The following CEP112 variants were observed in gnomAD, a reference collection of about 807,000 sequenced individuals.
The protein encoded by CEP112 is centrosomal protein of 112 kDa.
In CEP112, 127 loss-of-function variants were observed where a neutral mutation model predicts 153.0. The ratio of observed to expected loss-of-function variants is 0.83; its 90% CI spans 0.72 to 0.96. The LOEUF is 0.96. Ranked by LOEUF, CEP112 falls within the 40% of genes least tolerant of loss-of-function variation. CEP112 has a pLI of 0.00. For missense variants in CEP112, 1,089 were observed against 1,101.2 expected (o/e 0.99, Z 0.16); for synonymous variants, 358 against 374.4 (o/e 0.96, Z 0.51).
chr17:65,984,350 T>C lies in CEP112; in HGVS notation c.1736+21340A>G, dbSNP rs192280609. 3.0e-4 allele frequency among the ~76,000 whole-genome samples: 45 copies of C among 152,328 alleles called. No homozygotes were observed. In the East Asian group the frequency reaches 7.1e-3, roughly 24 times the overall value. ...GGGGTCAGTGGTGCCAGATCTCACATAGTTCAAAAGAAACTAGAAATCTAA... is the reference window on the plus strand; with the variant it reads ...GGGGTCAGTGGTGCCAGATCTCACACAGTTCAAAAGAAACTAGAAATCTAA... On this transcript the variant is annotated intron_variant, in intron 17 of 26. Transcript: ENST00000535342.
In CEP112 at chr17:66,027,528, A is replaced by G. The variant is rs367907331; in HGVS notation, c.1629T>C (p.Ser543=). 55 of 1,315,546 alleles carry G rather than the reference A, an allele frequency of 4.2e-5. No homozygotes were observed. In the African/African-American group the frequency reaches 8.3e-4, roughly 20 times the overall value. 81.5% of individuals were successfully genotyped at this position (1,315,546 alleles called of 1,614,324 possible). A position where few individuals can be genotyped will look rare whatever the true frequency, so the allele number is the denominator to read the frequency against. Residue 543 remains serine, a synonymous_variant, in exon 16 of 27, where the codon AGT becomes AGC. Transcript: ENST00000535342. ...DQENKFQMEK[S]HLKHIYEKKA... ...TTTTTTCATAGATGTGTTTTAAATGACTTTTCTCCATCTGAAACTTATTTT... is the reference window on the plus strand; with the variant it reads ...TTTTTTCATAGATGTGTTTTAAATGGCTTTTCTCCATCTGAAACTTATTTT...
intron 18 of CEP112, among the ~76,000 whole-genome samples, chr17:65,959,603 G>A (rs1286641018): frequency 6.6e-6 from 1 of 152,206 alleles, no homozygotes; most frequent in East Asian, 1.9e-4. Flanking sequence ...TTGGGTTCGT[G>A]TGGTTCTTGG....
intron 20 of CEP112, among the ~76,000 whole-genome samples, chr17:65,889,136 C>T (rs2059382602): frequency 6.6e-6 from 1 of 152,118 alleles, no homozygotes; most frequent in Non-Finnish European, 1.5e-5. Flanking sequence ...TATTGATCCT[C>T]CCCATATCAC....
At chr17:66,022,725 A>T (rs548707425) in intron 16 of CEP112, among the ~76,000 whole-genome samples, 2 of 151,512 alleles carry the variant, frequency 1.3e-5, no homozygotes, top group African/African-American at 4.8e-5. Flanking sequence ...AAAAAAAAAA[A>T]AAAGAAATGC....
At chr17:66,138,637 CA>C (rs1336347605) in intron 4 of CEP112, among the ~76,000 whole-genome samples, 1 of 151,952 alleles carries the variant, frequency 6.6e-6, no homozygotes, top group Admixed American at 6.6e-5. Flanking sequence ...TAGGTTGTTA[CA>C]ACTATAAGAT....
chr17:65,986,174 G>GA (rs962660367), intron 17 of CEP112, among the ~76,000 whole-genome samples: 2 of 148,536 alleles, frequency 1.3e-5, no homozygotes, highest in Non-Finnish European at 3.0e-5. Context: ...GAGAAAGGGG[G>GA]AAAAAAAATA....
chr17:66,138,661 C>T (rs1221230679), intron 4 of CEP112, among the ~76,000 whole-genome samples: 2 of 151,808 alleles, frequency 1.3e-5, no homozygotes, highest in African/African-American at 4.8e-5. Context: ...TTTATGTAAG[C>T]CTTATGGTAA....
At chr17:65,955,614 C>T (rs527504931) in intron 18 of CEP112, among the ~76,000 whole-genome samples, 1 of 152,222 alleles carries the variant, frequency 6.6e-6, no homozygotes, top group South Asian at 2.1e-4. Flanking sequence ...ACTCACCTAA[C>T]ACATAAGGAC....
intron 21 of CEP112, among the ~76,000 whole-genome samples, chr17:65,845,042 G>A (rs970278175): frequency 9.2e-5 from 14 of 152,018 alleles, no homozygotes; most frequent in South Asian, 2.1e-4. Context: ...ATCAAAGGCC[G>A]GATGAGGTGG....
chr17:66,040,252 T>A (rs2065911696), intron 12 of CEP112, among the ~76,000 whole-genome samples: 1 of 152,144 alleles, frequency 6.6e-6, no homozygotes, highest in South Asian at 2.1e-4. Flanking sequence ...TAGCCCTTTT[T>A]GTAGGTATGT....
At chr17:65,912,129 C>T (rs950389382) in intron 19 of CEP112, among the ~76,000 whole-genome samples, 2 of 152,124 alleles carry the variant, frequency 1.3e-5, no homozygotes, top group Non-Finnish European at 2.9e-5. Context: ...CAGTTTCACT[C>T]ATCAGTCTTG....
intron 21 of CEP112, among the ~76,000 whole-genome samples, chr17:65,754,618 A>AC (rs1400548177): frequency 1.3e-5 from 2 of 152,114 alleles, no homozygotes; most frequent in African/African-American, 4.8e-5. Flanking sequence ...AAATAAAATA[A>AC]AATAAAATAA....
At chr17:65,800,882 G>A (rs969301094) in intron 21 of CEP112, among the ~76,000 whole-genome samples, 5 of 152,146 alleles carry the variant, frequency 3.3e-5, no homozygotes, top group Non-Finnish European at 5.9e-5. Flanking sequence ...CATCAGTGGT[G>A]TTGATCTGCT....
At position 65,936,903 on chromosome 17, in the gene CEP112, T is replaced by C. The variant is rs187504190; in HGVS notation, c.1873-9214A>G. Among the ~76,000 whole-genome samples, 1,154 of 148,146 alleles carry C rather than the reference T, an allele frequency of 7.8e-3. 12 individuals are homozygous for C. The highest frequency in any genetic ancestry group is 0.027 in the African/African-American group (1,075 of 40,460). On this transcript the variant is annotated intron_variant, in intron 18 of 26. Transcript: ENST00000535342. ...CTGTACTGCCACCGTCTCGGCTCAC[T>C]GCAACCTCCCTGCCTGATTCTCCTG...
At chr17:66,070,111 C>CTTTA in intron 8 of CEP112, 110 bp from the exon 9 acceptor site, 1 of 634,334 alleles carries the variant, frequency 1.6e-6, no homozygotes, top group South Asian at 2.0e-5. Flanking sequence ...CATTTTCCAC[C>CTTTA]TTTACCTTGT....
intron 17 of CEP112, among the ~76,000 whole-genome samples, chr17:66,001,434 ATATACT>A (rs1179404094): frequency 6.6e-6 from 1 of 152,196 alleles, no homozygotes; most frequent in African/African-American, 2.4e-5. Flanking sequence ...ACTACTGTAC[ATATACT>A]TAATACTAAC....
intron 12 of CEP112, among the ~76,000 whole-genome samples, chr17:66,048,057 G>A (rs1343415860): frequency 1.3e-5 from 2 of 151,782 alleles, no homozygotes; most frequent in Non-Finnish European, 2.9e-5. Flanking sequence ...TAGCTGTTAT[G>A]CAGTACTTTT....
chr17:65,657,494 T>G (rs144744274), intron 24 of CEP112, among the ~76,000 whole-genome samples: 87 of 152,304 alleles, frequency 5.7e-4, no homozygotes, highest in Non-Finnish European at 9.0e-4. Flanking sequence ...TTAAACAAGT[T>G]GGAAGGAAGC....
At chr17:65,952,782 G>C (rs1261537660) in intron 18 of CEP112, among the ~76,000 whole-genome samples, 1 of 152,142 alleles carries the variant, frequency 6.6e-6, no homozygotes, top group African/African-American at 2.4e-5. Context: ...GGTATTGTCA[G>C]CCAGTCTTTA....
Sources: gnomAD v4.1 joint callset for allele counts (sites outside exome capture counted in the v4.1 genomes callset) on GRCh38, gnomAD v4.1.1 for gene constraint, MANE v1.5 for transcripts, NCBI Gene and HGNC (gene_info 2026-07-23, HGNC 2026-07-21) for gene names.